The following MTUS2 variants were observed in gnomAD, a reference collection of about 807,000 sequenced individuals.
The protein encoded by MTUS2 is microtubule associated scaffold protein 2.
In MTUS2, 40 loss-of-function variants were observed where a neutral mutation model predicts 114.1. That is an observed-to-expected ratio of 0.35 (90% CI 0.27 to 0.46). MTUS2 has a LOEUF of 0.46. Ranked by LOEUF, MTUS2 falls within the 20% of genes least tolerant of loss-of-function variation. The pLI, the probability that MTUS2 is intolerant of heterozygous loss-of-function variation, is 1.00. For synonymous variants in MTUS2, 688 were observed against 672.0 expected (o/e 1.02, Z -0.37); for missense variants, 1,679 against 1,705.4 (o/e 0.98, Z 0.27).
intron 2 of MTUS2, among the ~76,000 whole-genome samples, chr13:28,942,463 G>T (rs1384949732): frequency 6.6e-6 from 1 of 152,126 alleles, no homozygotes; most frequent in Non-Finnish European, 1.5e-5. Flanking sequence ...ACATTTTTAG[G>T]AATATAACTA....
intron 5 of MTUS2, among the ~76,000 whole-genome samples, chr13:29,162,442 A>G (rs1893139134): frequency 6.6e-6 from 1 of 152,192 alleles, no homozygotes; most frequent in African/African-American, 2.4e-5. Flanking sequence ...TTTGTCTAGC[A>G]AAGAGCAGAA....
intron 4 of MTUS2, among the ~76,000 whole-genome samples, chr13:29,090,835 A>G (rs767481161): frequency 1.2e-4 from 18 of 152,214 alleles, no homozygotes; most frequent in Non-Finnish European, 1.9e-4. Context: ...CACTGCAGCC[A>G]TTCCCATGCC....
chr13:29,290,176 C>T (rs1478120694), intron 6 of MTUS2, among the ~76,000 whole-genome samples: 2 of 152,182 alleles, frequency 1.3e-5, no homozygotes, highest in East Asian at 3.8e-4. Context: ...ATTATTTTTC[C>T]TGCCTTTGTC....
chr13:29,055,223 T>C (rs1888078791), intron 4 of MTUS2, among the ~76,000 whole-genome samples: 1 of 152,158 alleles, frequency 6.6e-6, no homozygotes, highest in Admixed American at 6.5e-5. Context: ...ATTAGGTGCA[T>C]AAACTCATTT....
intron 4 of MTUS2, among the ~76,000 whole-genome samples, chr13:29,042,181 G>C (rs1342684618): frequency 6.6e-6 from 1 of 152,002 alleles, no homozygotes; most frequent in Non-Finnish European, 1.5e-5. Context: ...ATAAAGGGAT[G>C]GTGGATTTTG....
At chr13:28,831,003 C>G (rs962641295) in intron 1 of MTUS2, among the ~76,000 whole-genome samples, 2 of 152,148 alleles carry the variant, frequency 1.3e-5, no homozygotes, top group African/African-American at 4.8e-5. Flanking sequence ...CAGACTGTCC[C>G]TACAAGAAAT....
rs989712889 is a variant in MTUS2, at chr13:29,137,800, G to A, written c.2644+36830G>A. On this transcript the variant is annotated intron_variant, in intron 5 of 15. Coordinates refer to ENST00000612955, the MANE Select transcript of MTUS2 (RefSeq NM_001033602.4). ...CCTGGTTAATTTTTTTTTTTTTTTTGTATCTTTAGTAGAGATGTTCTCTTG... is the reference window on the plus strand; with the variant it reads ...CCTGGTTAATTTTTTTTTTTTTTTTATATCTTTAGTAGAGATGTTCTCTTG... 3.0e-3 allele frequency among the ~76,000 whole-genome samples: 306 copies of A among 100,810 alleles called. 1 individual carries two copies. Among genetic ancestry groups the A allele is most frequent in the African/African-American group, 0.011 (291 of 26,660 alleles). 66.1% of individuals were successfully genotyped at this position (100,810 alleles called of 152,430 possible).
intron 4 of MTUS2, among the ~76,000 whole-genome samples, chr13:29,092,186 T>C (rs956761604): frequency 6.6e-6 from 1 of 152,242 alleles, no homozygotes; most frequent in African/African-American, 2.4e-5. Flanking sequence ...GTCAAACCCA[T>C]GGAATGGACT....
intron 2 of MTUS2, among the ~76,000 whole-genome samples, chr13:28,944,152 T>C (rs912124219): frequency 6.6e-5 from 10 of 152,010 alleles, no homozygotes; most frequent in African/African-American, 2.4e-4. Flanking sequence ...TTGATACAAT[T>C]TGATACATTC....
At chr13:29,196,831 C>T (rs1360821604) in intron 5 of MTUS2, among the ~76,000 whole-genome samples, 1 of 152,196 alleles carries the variant, frequency 6.6e-6, no homozygotes, top group Non-Finnish European at 1.5e-5. Context: ...GTATATACCA[C>T]AATTTGCTTA....
At chr13:29,009,312 G>A (rs1885737012) in intron 2 of MTUS2, among the ~76,000 whole-genome samples, 1 of 151,870 alleles carries the variant, frequency 6.6e-6, no homozygotes, top group Non-Finnish European at 1.5e-5. Flanking sequence ...ATTGGTACAT[G>A]TGACAATATG....
intron 8 of MTUS2, among the ~76,000 whole-genome samples, chr13:29,371,224 C>A (rs548386105): frequency 1.4e-5 from 2 of 148,044 alleles, no homozygotes; most frequent in Non-Finnish European, 3.0e-5. Flanking sequence ...AACCACCCCC[C>A]CCCCCTTTTT....
intron 2 of MTUS2, among the ~76,000 whole-genome samples, chr13:29,022,793 A>C (rs1886348257): frequency 6.6e-6 from 1 of 152,214 alleles, no homozygotes; most frequent in African/African-American, 2.4e-5. Flanking sequence ...AGAATGGTTT[A>C]GTGGTGATCT....
chr13:29,202,465 C>T (rs1430141181), intron 5 of MTUS2, among the ~76,000 whole-genome samples: 3 of 152,110 alleles, frequency 2.0e-5, no homozygotes, highest in Non-Finnish European at 2.9e-5. Context: ...TTCTTTAGCT[C>T]ATAGGACATT....
intron 5 of MTUS2, among the ~76,000 whole-genome samples, chr13:29,203,962 T>TC (rs1895073795): frequency 1.4e-5 from 2 of 146,662 alleles, no homozygotes; most frequent in South Asian, 4.3e-4. Context: ...AGCTGTTACT[T>TC]TTTTTTTTTT....
chr13:29,358,876 A>AAGTCT (rs1869978840), intron 7 of MTUS2, among the ~76,000 whole-genome samples: 1 of 151,104 alleles, frequency 6.6e-6, no homozygotes, highest in Non-Finnish European at 1.5e-5. Context: ...AAAGGTTGCT[A>AAGTCT]GACGATTATA....
intron 1 of MTUS2, among the ~76,000 whole-genome samples, chr13:28,828,136 G>A (rs547232481): frequency 6.6e-6 from 1 of 152,286 alleles, no homozygotes; most frequent in Admixed American, 6.5e-5. Flanking sequence ...CCTTGGGAAT[G>A]CATTCTCTTT....
intron 6 of MTUS2, among the ~76,000 whole-genome samples, chr13:29,293,436 T>C (rs185158870): frequency 1.6e-4 from 25 of 152,284 alleles, no homozygotes; most frequent in African/African-American, 5.5e-4. Flanking sequence ...TTTAAAAAGA[T>C]TTATTACATC....
chr13:28,891,929 C>T (rs1363603648), intron 2 of MTUS2, among the ~76,000 whole-genome samples: 1 of 151,488 alleles, frequency 6.6e-6, no homozygotes, highest in Non-Finnish European at 1.5e-5. Flanking sequence ...TTTCCCTTCC[C>T]TGATATACTC....
Sources: allele counts gnomAD v4.1 joint callset (sites outside exome capture counted in the v4.1 genomes callset), GRCh38; gene constraint gnomAD v4.1.1; transcripts MANE v1.5; gene names NCBI Gene and HGNC (gene_info 2026-07-23, HGNC 2026-07-21).